Variants in ZNF521 observed in about 807,000 individuals in gnomAD.
ZNF521 encodes the protein LYST-interacting protein 3.
A neutral mutation model predicts 105.5 loss-of-function variants in ZNF521; 14 were observed. The ratio of observed to expected loss-of-function variants is 0.13; its 90% CI spans 0.09 to 0.21. The LOEUF (loss-of-function observed/expected upper bound fraction) is 0.21, where lower values mean the gene tolerates loss of function less well. ZNF521 is among the 10% of genes least tolerant of loss of function. ZNF521 has a pLI of 1.00. For missense variants in ZNF521, 1,233 were observed against 1,629.7 expected, an observed-to-expected ratio of 0.76 and a Z score of 4.19; for synonymous variants, 635 against 606.0, an observed-to-expected ratio of 1.05 and a Z score of -0.70.
chr18:25,241,711 GCACA>G (rs1316950068), intron 3 of ZNF521, among the ~76,000 whole-genome samples: 11 of 152,092 alleles, frequency 7.2e-5, no homozygotes, highest in Admixed American at 5.2e-4. Context: ...GGGAAAATGT[GCACA>G]TCTTTAGTAT....
At chr18:25,340,981 T>C (rs980287913) in intron 2 of ZNF521, among the ~76,000 whole-genome samples, 1 of 152,220 alleles carries the variant, frequency 6.6e-6, no homozygotes, top group South Asian at 2.1e-4. Context: ...GTTATGTAAA[T>C]GACCTATATG....
chr18:25,246,358 G>T (rs753339349), intron 3 of ZNF521, among the ~76,000 whole-genome samples: 1 of 152,144 alleles, frequency 6.6e-6, no homozygotes, highest in Non-Finnish European at 1.5e-5. Flanking sequence ...AATGTAGAAG[G>T]TCCCTTTGTT....
intron 3 of ZNF521, among the ~76,000 whole-genome samples, chr18:25,273,220 CAAA>C (rs67381140): frequency 0.032 from 1,278 of 40,544 alleles, 2 homozygotes; most frequent in Non-Finnish European, 0.043. Flanking sequence ...ACCCTGTCTC[CAAA>C]AAAAAAAAAA....
chr18:25,201,898 TA>T (rs1317747004), intron 4 of ZNF521: 1 of 152,114 alleles, frequency 6.6e-6, no homozygotes, highest in Non-Finnish European at 1.5e-5. Context: ...ATATGAAAAG[TA>T]AGTGAGAATT....
Position 25,188,453 on chromosome 18 carries a change from G to C in ZNF521, c.3658+6707C>G, listed in dbSNP as rs2035763479. On this transcript the variant is annotated intron_variant, in intron 5 of 7. Transcript: ENST00000361524. The stretch of plus-strand genomic sequence containing the variant: ...TTTGATGTGTGTGAACGGATTCTGT[G>C]GAAATAGGTCACGATGTGTGTGTGT... 2.0e-5 allele frequency among the ~76,000 whole-genome samples: 3 copies of C among 152,292 alleles called. No homozygotes were observed. The South Asian group carries it at 6.2e-4, about 32-fold the overall frequency.
intron 7 of ZNF521, among the ~76,000 whole-genome samples, chr18:25,063,851 G>T (rs1245870882): frequency 1.3e-5 from 2 of 151,982 alleles, no homozygotes; most frequent in Non-Finnish European, 2.9e-5. Flanking sequence ...TACAACCTTG[G>T]GGCCCAGCTC....
chr18:25,312,614 C>G (rs1411293523), intron 3 of ZNF521, among the ~76,000 whole-genome samples: 3 of 45,400 alleles, frequency 6.6e-5, no homozygotes, highest in African/African-American at 2.5e-4. Flanking sequence ...AGATCGAGAC[C>G]ATCCTGGCTA....
At chr18:25,268,075 GAGA>G (rs766273739) in intron 3 of ZNF521, among the ~76,000 whole-genome samples, 2 of 152,160 alleles carry the variant, frequency 1.3e-5, no homozygotes, top group Non-Finnish European at 2.9e-5. Flanking sequence ...AACCAGTTTT[GAGA>G]AGAACATAAA....
At chr18:25,342,434 T>TG (rs201886414) in intron 2 of ZNF521, among the ~76,000 whole-genome samples, 66,660 of 147,850 alleles carry the variant, frequency 0.45, 15,378 homozygotes, top group Middle Eastern at 0.51. Flanking sequence ...TTTGTTTGTT[T>TG]TTTTTGAGAC....
At chr18:25,183,260 TA>T (rs201733481) in intron 5 of ZNF521, among the ~76,000 whole-genome samples, 5,285 of 151,874 alleles carry the variant, frequency 0.035, 160 homozygotes, top group East Asian at 0.091. Flanking sequence ...CCTACTCAGT[TA>T]AAAAAAATGG....
intron 3 of ZNF521, among the ~76,000 whole-genome samples, chr18:25,252,594 A>C (rs901144138): frequency 6.6e-6 from 1 of 151,786 alleles, no homozygotes; most frequent in Non-Finnish European, 1.5e-5. Flanking sequence ...TCAGCTACAC[A>C]CTTTCTATTT....
intron 5 of ZNF521, among the ~76,000 whole-genome samples, chr18:25,107,251 C>A (rs542279582): frequency 6.6e-6 from 1 of 152,188 alleles, no homozygotes; most frequent in Non-Finnish European, 1.5e-5. Flanking sequence ...TAATACTTGG[C>A]CTATGGTAAC....
At chr18:25,154,672 A>G (rs2035110249) in intron 5 of ZNF521, among the ~76,000 whole-genome samples, 1 of 152,194 alleles carries the variant, frequency 6.6e-6, no homozygotes, top group Admixed American at 6.5e-5. Flanking sequence ...AAATCAGATG[A>G]GCTAGAAGCT....
At chr18:25,180,069 T>C (rs1051148758) in intron 5 of ZNF521, among the ~76,000 whole-genome samples, 7 of 152,214 alleles carry the variant, frequency 4.6e-5, no homozygotes, top group African/African-American at 9.6e-5. Flanking sequence ...AACAGACTTT[T>C]AGAGAAAGTT....
chr18:25,065,198 A>T (rs2033023545), intron 7 of ZNF521, among the ~76,000 whole-genome samples: 1 of 152,206 alleles, frequency 6.6e-6, no homozygotes, highest in African/African-American at 2.4e-5. Context: ...GTCCAAAAAC[A>T]ATGACCAAAT....
chr18:25,303,458 C>T (rs1011457238), intron 3 of ZNF521, among the ~76,000 whole-genome samples: 1 of 151,910 alleles, frequency 6.6e-6, no homozygotes, highest in East Asian at 1.9e-4. Context: ...CCACCATGCC[C>T]GGCTAATTTT....
rs2035889701 is a variant in ZNF521, at chr18:25,195,623, C to T, written c.3574-379G>A. ...AACCAGTGTCTTTGAAGATCAGGCA[C>T]AATTTCATTCTGACCAACATAACTG... On this transcript the variant is annotated intron_variant, in intron 4 of 7. Transcript: ENST00000361524. 2.6e-5 allele frequency among the ~76,000 whole-genome samples: 4 copies of T among 151,666 alleles called. No individual in the cohort carries two copies. In the South Asian group the frequency reaches 8.3e-4, roughly 32 times the overall value.
intron 5 of ZNF521, among the ~76,000 whole-genome samples, chr18:25,148,120 T>C (rs1337001086): frequency 1.3e-5 from 2 of 152,108 alleles, no homozygotes; most frequent in African/African-American, 4.8e-5. Context: ...AGTTGACCAT[T>C]TGGAGAAGGG....
chr18:25,230,120 A>G (rs1193231293), intron 3 of ZNF521, among the ~76,000 whole-genome samples: 2 of 152,224 alleles, frequency 1.3e-5, no homozygotes, highest in Admixed American at 6.5e-5. Flanking sequence ...CCAGGATTCA[A>G]GAGAGCAGAA....
Sources: allele counts gnomAD v4.1 joint callset (sites outside exome capture counted in the v4.1 genomes callset), GRCh38; gene constraint gnomAD v4.1.1; transcripts MANE v1.5; gene names NCBI Gene and HGNC (gene_info 2026-07-23, HGNC 2026-07-21).